MCC: variants seen among roughly 807,000 people sequenced by gnomAD.
The protein encoded by MCC is colorectal mutant cancer protein.
In MCC, 90 loss-of-function variants were observed where a neutral mutation model predicts 116.2. The observed-to-expected ratio is 0.77, with a 90% CI of 0.65 to 0.92. The LOEUF is 0.92. Ranked by LOEUF, MCC falls within the 40% of genes least tolerant of loss-of-function variation. The pLI is 0.00. For missense variants in MCC, 1,516 were observed against 1,312.2 expected, an observed-to-expected ratio of 1.16 and a Z score of -2.40; for synonymous variants, 578 against 510.5, an observed-to-expected ratio of 1.13 and a Z score of -1.78.
At chr5:113,070,868 T>G (rs978505411) in intron 12 of MCC, among the ~76,000 whole-genome samples, 1 of 152,208 alleles carries the variant, frequency 6.6e-6, no homozygotes, top group African/African-American at 2.4e-5. Flanking sequence ...TGAGTGATAG[T>G]ACCTAAATGA....
chr5:113,316,126 C>T (rs1412091571), intron 3 of MCC, among the ~76,000 whole-genome samples: 1 of 151,772 alleles, frequency 6.6e-6, no homozygotes, highest in Non-Finnish European at 1.5e-5. Flanking sequence ...CGTATTGGCA[C>T]ACGCCTGTAA....
intron 3 of MCC, among the ~76,000 whole-genome samples, chr5:113,178,986 TAAACA>T (rs1561431816): frequency 1.3e-5 from 2 of 152,184 alleles, no homozygotes; most frequent in African/African-American, 4.8e-5. Context: ...CAGCAGAGCT[TAAACA>T]AAAGAAGAGC....
intron 6 of MCC, among the ~76,000 whole-genome samples, chr5:113,112,664 G>A (rs558578496): frequency 2.0e-5 from 3 of 152,264 alleles, no homozygotes; most frequent in South Asian, 2.1e-4. Context: ...CAGCCCTTTG[G>A]CACTCAGCCC....
chr5:113,030,173 A>C (rs941966488), intron 17 of MCC, among the ~76,000 whole-genome samples: 1 of 152,330 alleles, frequency 6.6e-6, no homozygotes, highest in Admixed American at 6.5e-5. Context: ...CAAAATAATA[A>C]ATGAACATGC....
At chr5:113,294,491 G>C (rs1333402597) in intron 3 of MCC, 4 of 1,579,288 alleles carry the variant, frequency 2.5e-6, no homozygotes, top group Non-Finnish European at 3.4e-6. Flanking sequence ...CCACATTTTA[G>C]TCTAGACAGC....
intron 1 of MCC, among the ~76,000 whole-genome samples, chr5:113,470,863 G>A (rs1209397411): frequency 6.6e-6 from 1 of 152,106 alleles, no homozygotes; most frequent in Non-Finnish European, 1.5e-5. Flanking sequence ...ATATTTCTTG[G>A]AGACTTTGTT....
intron 3 of MCC, among the ~76,000 whole-genome samples, chr5:113,335,457 A>T (rs1206919718): frequency 1.3e-5 from 2 of 151,792 alleles, no homozygotes; most frequent in Non-Finnish European, 2.9e-5. Context: ...TTGCTATTTC[A>T]TTCAGGAATT....
At chr5:113,116,136 T>A (rs1253387800) in intron 6 of MCC, among the ~76,000 whole-genome samples, 3 of 152,212 alleles carry the variant, frequency 2.0e-5, no homozygotes, top group Non-Finnish European at 4.4e-5. Context: ...GGCTGTCTCC[T>A]GCCCTTGACA....
At chr5:113,294,488 T>G in intron 3 of MCC, 1 of 1,585,408 alleles carries the variant, frequency 6.3e-7, no homozygotes, top group East Asian at 2.2e-5. Flanking sequence ...CTGCCACATT[T>G]TAGTCTAGAC....
At chr5:113,408,781 G>C (rs1769903334) in intron 1 of MCC, among the ~76,000 whole-genome samples, 1 of 152,140 alleles carries the variant, frequency 6.6e-6, no homozygotes, top group African/African-American at 2.4e-5. Flanking sequence ...GGTTCTCCTA[G>C]GGGTAGTGCT....
chr5:113,384,859 A>C lies in MCC; in HGVS notation c.415+109T>G, dbSNP rs982194591. On this transcript the variant is annotated intron_variant, in intron 2 of 18. Coordinates refer to ENST00000408903, the MANE Select transcript of MCC (RefSeq NM_001085377.2). ...AAAGTGTGGCCAGGAGGGCAGCCTC[A>C]GTATGAGCTGAGGCTGTGGCCTCAT... 12 of 1,302,346 alleles carry C rather than the reference A, an allele frequency of 9.2e-6. No individual in the cohort carries two copies. In the African/African-American group the frequency reaches 1.0e-4, roughly 11 times the overall value. 80.7% of individuals were successfully genotyped at this position (1,302,346 alleles called of 1,614,324 possible). A position where few individuals can be genotyped will look rare whatever the true frequency, so the allele number is the denominator to read the frequency against.
chr5:113,056,308 G>C (rs1344903800), intron 14 of MCC, among the ~76,000 whole-genome samples: 2 of 152,182 alleles, frequency 1.3e-5, no homozygotes, highest in African/African-American at 2.4e-5. Flanking sequence ...TAATAGCAAA[G>C]ACATGGAATC....
intron 11 of MCC, among the ~76,000 whole-genome samples, chr5:113,074,796 A>C (rs1754301248): frequency 6.6e-6 from 1 of 152,268 alleles, no homozygotes; most frequent in Non-Finnish European, 1.5e-5. Context: ...CAGGGATTGA[A>C]GATCATATGA....
rs138753700 is a variant in MCC, at chr5:113,265,029, G to A, written c.627+75490C>T. Among the ~76,000 whole-genome samples, 630 of 151,972 alleles carry A rather than the reference G, an allele frequency of 4.1e-3. 3 individuals are homozygous for A. Among genetic ancestry groups the A allele is most frequent in the African/African-American group, 0.014 (584 of 41,442 alleles). The stretch of plus-strand genomic sequence containing the variant: ...GCTCTCTAGCCTGGAGGCAGAGCAA[G>A]ACTGTCTCAAAAAAAAAAGTTGCAC... On this transcript the variant is annotated intron_variant, in intron 3 of 18. Coordinates refer to ENST00000408903, the MANE Select transcript of MCC (RefSeq NM_001085377.2).
intron 3 of MCC, among the ~76,000 whole-genome samples, chr5:113,238,834 G>C (rs900403952): frequency 6.6e-6 from 1 of 152,154 alleles, no homozygotes; most frequent in African/African-American, 2.4e-5. Flanking sequence ...TCCAATTTTT[G>C]TAAAATGGTT....
chr5:113,184,244 T>C (rs188825288), intron 3 of MCC, among the ~76,000 whole-genome samples: 2 of 152,328 alleles, frequency 1.3e-5, no homozygotes, highest in African/African-American at 4.8e-5. Context: ...CCCAAAGCTC[T>C]GTTTCTATTT....
chr5:113,056,032 C>T (rs555005291), intron 14 of MCC, among the ~76,000 whole-genome samples: 4 of 152,302 alleles, frequency 2.6e-5, no homozygotes, highest in Non-Finnish European at 4.4e-5. Flanking sequence ...TAAAATAAAT[C>T]ACTGTTTGCG....
intron 2 of MCC, among the ~76,000 whole-genome samples, chr5:113,370,637 C>T (rs1768815288): frequency 6.6e-6 from 1 of 152,134 alleles, no homozygotes; most frequent in South Asian, 2.1e-4. Flanking sequence ...ATGGACTGAT[C>T]CATAGATATA....
intron 3 of MCC, among the ~76,000 whole-genome samples, chr5:113,218,568 T>G (rs949055705): frequency 1.3e-5 from 2 of 152,180 alleles, no homozygotes; most frequent in Non-Finnish European, 2.9e-5. Flanking sequence ...GAGGTAGAAA[T>G]GAACTTCATA....
Sources: gnomAD v4.1 joint callset for allele counts (sites outside exome capture counted in the v4.1 genomes callset) on GRCh38, gnomAD v4.1.1 for gene constraint, MANE v1.5 for transcripts, NCBI Gene and HGNC (gene_info 2026-07-23, HGNC 2026-07-21) for gene names.